The following GNG2 variants were observed in gnomAD, a reference collection of about 807,000 sequenced individuals.
GNG2 encodes G protein subunit gamma 2, also known as guanine nucleotide-binding protein G(I)/G(S)/G(O) subunit gamma-2.
GNG2 carries 5 observed loss-of-function variants against 5.5 expected under a neutral mutation model. The observed-to-expected ratio is 0.91, with a 90% CI of 0.48 to 1.92. The LOEUF (loss-of-function observed/expected upper bound fraction) is 1.92, where lower values mean the gene tolerates loss of function less well. Ranked by LOEUF, GNG2 falls within the 30% of genes most tolerant of loss-of-function variation. The probability of loss-of-function intolerance (pLI) is 0.01; values close to 1 mark genes in which losing one functional copy is unlikely to be tolerated. For missense variants in GNG2, 55 were observed against 88.4 expected, an observed-to-expected ratio of 0.62 and a Z score of 1.52; for synonymous variants, 28 against 32.0, an observed-to-expected ratio of 0.88 and a Z score of 0.42.
chr14:51,896,682 G>A (rs1302780817), intron 2 of GNG2, among the ~76,000 whole-genome samples: 1 of 152,100 alleles, frequency 6.6e-6, no homozygotes, highest in Non-Finnish European at 1.5e-5. Flanking sequence ...TTACTTAGAA[G>A]GGAGTATATT....
At chr14:51,861,084 T>C (rs1395726434) in intron 1 of GNG2, among the ~76,000 whole-genome samples, 1 of 152,198 alleles carries the variant, frequency 6.6e-6, no homozygotes, top group African/African-American at 2.4e-5. Context: ...GAAATCCATC[T>C]GGGGCTGTGA....
chr14:51,850,045 T>C (rs1210305598), intron 2 of GNG2, among the ~76,000 whole-genome samples: 1 of 152,154 alleles, frequency 6.6e-6, no homozygotes, highest in Admixed American at 6.5e-5. Context: ...AAAAAGTTGT[T>C]CCTCCCAACC....
Position 51,828,876 on chromosome 14 carries a change from A to G in GNG2, c.64+1069A>G, listed in dbSNP as rs146161553. ...GGGACGGCAGAGGCTTAGCCCCACTACCTCCCCGCTGCCTGGCAGTTTGAT... is the reference window on the plus strand; with the variant it reads ...GGGACGGCAGAGGCTTAGCCCCACTGCCTCCCCGCTGCCTGGCAGTTTGAT... On this transcript the variant is annotated intron_variant, in intron 2 of 3. Coordinates refer to the GNG2 transcript ENST00000553432. Among the ~76,000 whole-genome samples, 5 of 151,674 alleles carry G rather than the reference A, an allele frequency of 3.3e-5. No homozygotes were observed. In the East Asian group the frequency reaches 9.7e-4, roughly 29 times the overall value.
intron 2 of GNG2, among the ~76,000 whole-genome samples, chr14:51,931,940 T>C (rs1167815487): frequency 2.0e-5 from 3 of 151,966 alleles, no homozygotes; most frequent in Non-Finnish European, 4.4e-5. Context: ...CAAATGTCCA[T>C]CAGTGGATGA....
chr14:51,850,509 C>G lies in GNG2; in HGVS notation c.64+22702C>G, dbSNP rs184917552. Among the ~76,000 whole-genome samples, 23 of 152,176 alleles carry G rather than the reference C, an allele frequency of 1.5e-4. No homozygotes were observed. The East Asian group carries it at 4.3e-3, about 28-fold the overall frequency. Reference sequence around the variant, plus strand: ...TTGCTGACCTATGGTTACTGACAGTCGGAGGAAAAGAACAGATTACAAGCA... The same window carrying G: ...TTGCTGACCTATGGTTACTGACAGTGGGAGGAAAAGAACAGATTACAAGCA... On this transcript the variant is annotated intron_variant, in intron 2 of 3. Coordinates refer to the GNG2 transcript ENST00000553432.
chr14:51,930,509 T>C (rs1056000972), intron 2 of GNG2, among the ~76,000 whole-genome samples: 3 of 152,256 alleles, frequency 2.0e-5, no homozygotes, highest in Non-Finnish European at 2.9e-5. Flanking sequence ...TTGACCTTGG[T>C]CACGTCACCT....
At chr14:51,962,944 G>A (rs1225650479) in intron 3 of GNG2, among the ~76,000 whole-genome samples, 1 of 152,198 alleles carries the variant, frequency 6.6e-6, no homozygotes, top group African/African-American at 2.4e-5. Flanking sequence ...CAGTAGCTCA[G>A]GAGCTGTGGG....
At chr14:51,871,928 G>C (rs1251166985) in intron 1 of GNG2, among the ~76,000 whole-genome samples, 3 of 152,202 alleles carry the variant, frequency 2.0e-5, no homozygotes, top group African/African-American at 7.2e-5. Flanking sequence ...TTCCCAGTCT[G>C]CTTTGGTTAG....
intron 3 of GNG2, among the ~76,000 whole-genome samples, chr14:51,961,412 A>C (rs1453262534): frequency 6.6e-6 from 1 of 152,196 alleles, no homozygotes; most frequent in Non-Finnish European, 1.5e-5. Context: ...GAACTCCTTC[A>C]GCAATTACTA....
intron 2 of GNG2, among the ~76,000 whole-genome samples, chr14:51,941,894 C>G (rs1888335807): frequency 6.6e-6 from 1 of 152,142 alleles, no homozygotes; most frequent in East Asian, 1.9e-4. Context: ...AAAATTTCTT[C>G]TGTATTATTC....
intron 2 of GNG2, among the ~76,000 whole-genome samples, chr14:51,886,132 C>T (rs1884444585): frequency 1.3e-5 from 2 of 152,076 alleles, no homozygotes; most frequent in Admixed American, 6.6e-5. Context: ...AGTGGAATAC[C>T]ATATGCAAAA....
chr14:51,848,377 A>C lies in GNG2; in HGVS notation c.64+20570A>C, dbSNP rs147921104. 1.9e-4 allele frequency among the ~76,000 whole-genome samples: 29 copies of C among 152,278 alleles called. No homozygotes were observed. The East Asian group carries it at 5.2e-3, about 27-fold the overall frequency. ...TGGCTGTACATCACACTCAGAATAC[A>C]ACCGTGACCAACAAAACTCTATGAA... On this transcript the variant is annotated intron_variant, in intron 2 of 3. Transcript: ENST00000553432.
intron 1 of GNG2, among the ~76,000 whole-genome samples, chr14:51,872,133 GAA>G (rs1232841003): frequency 2.0e-5 from 3 of 152,240 alleles, no homozygotes; most frequent in African/African-American, 7.2e-5. Context: ...GACATGGAGA[GAA>G]AGTGAGAGAT....
chr14:51,942,779 C>T (rs145050433), intron 2 of GNG2, among the ~76,000 whole-genome samples: 143 of 151,400 alleles, frequency 9.4e-4, no homozygotes, highest in African/African-American at 3.3e-3. Context: ...AAGAATCAAC[C>T]TTTGGTGTGA....
intron 2 of GNG2, among the ~76,000 whole-genome samples, chr14:51,888,043 A>G (rs892357805): frequency 6.6e-6 from 1 of 152,172 alleles, no homozygotes; most frequent in Admixed American, 6.5e-5. Context: ...TTCAAAGTGT[A>G]TGATTTGATG....
chr14:51,926,955 C>T (rs940477738), intron 2 of GNG2, among the ~76,000 whole-genome samples: 1 of 152,164 alleles, frequency 6.6e-6, no homozygotes, highest in Non-Finnish European at 1.5e-5. Context: ...TTTAAGTGGA[C>T]AGTCAGTCCA....
rs577351849 is a variant in GNG2 at position 51,877,235 on chromosome 14, T to C, written c.-70-382T>C. 5.1e-4 allele frequency among the ~76,000 whole-genome samples: 77 copies of C among 152,314 alleles called. No homozygotes were observed. In the South Asian group the frequency reaches 0.013, roughly 25 times the overall value. On this transcript the variant is annotated intron_variant, in intron 1 of 3. Coordinates refer to ENST00000556766, the MANE Select transcript of GNG2 (RefSeq NM_053064.5). ...GTGTTGGTCTCTGCTGCTTTGGTCA[T>C]GCTCGGAGCAAATTAGATTAGGTCA...
At chr14:51,847,759 G>C (rs1197074218) in intron 2 of GNG2, among the ~76,000 whole-genome samples, 11 of 151,882 alleles carry the variant, frequency 7.2e-5, no homozygotes, top group Admixed American at 6.6e-4. Flanking sequence ...AAATTACCAA[G>C]AGGTGATCGC....
chr14:51,961,731 A>G lies in GNG2; in HGVS notation c.88-4828A>G, dbSNP rs996014442. Among the ~76,000 whole-genome samples the G allele has an allele frequency of 3.9e-5, 6 of 152,292 alleles. No homozygotes were observed. The East Asian group carries it at 7.7e-4, about 20-fold the overall frequency. ...GATGATAAGCCAACCCATTGAGGAG[A>G]TGAAGAGAACAATATTCTAGGATAC... On this transcript the variant is annotated intron_variant, in intron 3 of 3. Transcript: ENST00000556766.
Sources: allele counts gnomAD v4.1 joint callset (sites outside exome capture counted in the v4.1 genomes callset), GRCh38; gene constraint gnomAD v4.1.1; transcripts MANE v1.5; gene names NCBI Gene and HGNC (gene_info 2026-07-23, HGNC 2026-07-21).